SLC10A6: variants seen among roughly 807,000 people sequenced by gnomAD.
SLC10A6 encodes solute carrier family 10 member 6, also known as sodium-dependent organic anion transporter.
In SLC10A6, 27 loss-of-function variants were observed where a neutral mutation model predicts 30.0. The ratio of observed to expected loss-of-function variants is 0.90; its 90% CI spans 0.66 to 1.24. The LOEUF (loss-of-function observed/expected upper bound fraction) is 1.24. Among genes scored for constraint, SLC10A6 ranks in the 50% most tolerant of loss-of-function variants. SLC10A6 has a pLI of 0.00. For synonymous variants in SLC10A6, 166 were observed against 173.8 expected (o/e 0.95, Z 0.36); for missense variants, 439 against 457.0 (o/e 0.96, Z 0.36).
At chr4:86,838,575 G>C (rs1023751320) in intron 1 of SLC10A6, among the ~76,000 whole-genome samples, 1 of 152,096 alleles carries the variant, frequency 6.6e-6, no homozygotes, top group East Asian at 1.9e-4. Flanking sequence ...TTTATACTTA[G>C]TTCAAATGGT....
chr4:86,832,298 T>G (rs1746092970), intron 2 of SLC10A6, among the ~76,000 whole-genome samples: 1 of 152,152 alleles, frequency 6.6e-6, no homozygotes, highest in Non-Finnish European at 1.5e-5. Flanking sequence ...AGATTGACAC[T>G]GAGAGTCTTA....
At chr4:86,840,955 ATTT>A (rs1413754401) in intron 1 of SLC10A6, among the ~76,000 whole-genome samples, 1 of 152,218 alleles carries the variant, frequency 6.6e-6, no homozygotes, top group East Asian at 1.9e-4. Context: ...CTAGTAGGCA[ATTT>A]AAAAGAAAAA....
At chr4:86,845,740 A>T (rs577905287) in intron 1 of SLC10A6, among the ~76,000 whole-genome samples, 2 of 152,198 alleles carry the variant, frequency 1.3e-5, no homozygotes, top group Non-Finnish European at 2.9e-5. Flanking sequence ...GCAACACAGC[A>T]AGAGGAAGGG....
intron 1 of SLC10A6, among the ~76,000 whole-genome samples, chr4:86,842,846 CTTTCT>C (rs1746322523): frequency 1.1e-4 from 4 of 37,264 alleles, no homozygotes; most frequent in African/African-American, 4.3e-4. Flanking sequence ...TTCTTTCTTT[CTTTCT>C]TTCTTTCTTT....
At position 86,848,769 on chromosome 4, in the gene SLC10A6, G is replaced by C; in HGVS notation, c.347C>G (p.Thr116Ser). The C allele has an allele frequency of 6.2e-7, 1 of 1,604,534 alleles. No individual in the cohort carries two copies. The highest frequency in any genetic ancestry group is 8.5e-7 in the Non-Finnish European group (1 of 1,175,714). ...CPGGTISNIF[T>S]FWVDGDMDLS... ...ATCCATATCTCCATCAACCCAGAAGGTGAAAATGTTAGAGATGGTGCCCCC... is the reference window on the plus strand; with the variant it reads ...ATCCATATCTCCATCAACCCAGAAGCTGAAAATGTTAGAGATGGTGCCCCC... The change falls in exon 1 of 6, where the codon ACC (threonine) becomes AGC (serine). Residue 116 changes from threonine to serine, a missense_variant. Transcript: ENST00000273905.
At chr4:86,846,506 C>T (rs747726116) in intron 1 of SLC10A6, among the ~76,000 whole-genome samples, 10 of 152,190 alleles carry the variant, frequency 6.6e-5, no homozygotes, top group Middle Eastern at 3.4e-3. Flanking sequence ...GATCACCTGA[C>T]GGCAGGAGTT....
chr4:86,832,709 T>C (rs2869619), intron 2 of SLC10A6, among the ~76,000 whole-genome samples: 7,032 of 152,216 alleles, frequency 0.046, 230 homozygotes, highest in Middle Eastern at 0.075. Context: ...CAGAGATCTT[T>C]AGGAAAATGG....
chr4:86,825,505 G>A lies in SLC10A6; in HGVS notation c.834C>T (p.Phe278=). The change falls in exon 5 of 6, where the codon TTC becomes TTT. Residue 278 remains phenylalanine (F), a synonymous_variant. Transcript: ENST00000273905. ...QMCITMLQLS[F]TAEHLVQMLS... ...ACATCTGGACCAAGTGCTCAGCAGTGAAAGATAACTGGAGCATGGTGATGC... is the reference window on the plus strand; with the variant it reads ...ACATCTGGACCAAGTGCTCAGCAGTAAAAGATAACTGGAGCATGGTGATGC... 6.2e-7 allele frequency: 1 copy of A among 1,613,014 alleles called. No individual in the cohort carries two copies. The highest frequency in any genetic ancestry group is 8.5e-7 in the Non-Finnish European group (1 of 1,179,066).
chr4:86,849,058 G>C lies in SLC10A6; in HGVS notation c.58C>G (p.Leu20Val). The change falls in exon 1 of 6, where the codon CTG becomes GTG. Residue 20 changes from leucine to valine, a missense_variant. Coordinates refer to ENST00000273905, the MANE Select transcript of SLC10A6 (RefSeq NM_197965.3). ...CCATGCACCTCCAGTCCCACTGGCA[G>C]CTCCTCCTCTGAACTGTTGGCAGGG... is the stretch of plus-strand genomic sequence containing the variant. ...ACPANSSEEE[L>V]PVGLEVHGNL... is the part of the protein sequence containing the mutation. 2.5e-6 allele frequency: 4 copies of C among 1,614,142 alleles called. No individual in the cohort carries two copies. Among genetic ancestry groups the C allele is most frequent in the Non-Finnish European group, 3.4e-6 (4 of 1,180,016 alleles).
chr4:86,823,778 A>C lies in SLC10A6; in HGVS notation c.1044T>G (p.Asn348Lys), dbSNP rs1430113507. 3 of 1,614,168 alleles carry C rather than the reference A, an allele frequency of 1.9e-6. 1 individual carries two copies. Among genetic ancestry groups the C allele is most frequent in the East Asian group, 2.2e-5 (1 of 44,888 alleles). ...SRETNAFLEV[N>K]EEGAITPGPP... Reference sequence around the variant, plus strand: ...GCCCAGGAGTGATGGCACCTTCTTCATTCACCTCCAAGAAGGCATTGGTCT... The same window carrying C: ...GCCCAGGAGTGATGGCACCTTCTTCCTTCACCTCCAAGAAGGCATTGGTCT... Residue 348 changes from asparagine to lysine, a missense_variant, in exon 6 of 6, where the codon AAT becomes AAG. Asn to Lys is a moderately conservative substitution (Grantham distance 94). Coordinates refer to ENST00000273905, the MANE Select transcript of SLC10A6 (RefSeq NM_197965.3).
At chr4:86,824,754 C>G (rs1745950320) in intron 5 of SLC10A6, among the ~76,000 whole-genome samples, 2 of 152,012 alleles carry the variant, frequency 1.3e-5, no homozygotes, top group South Asian at 2.1e-4. Context: ...TCCCCAGTTT[C>G]TATTATTGCC....
chr4:86,841,014 T>C (rs1232384653), intron 1 of SLC10A6, among the ~76,000 whole-genome samples: 7 of 152,216 alleles, frequency 4.6e-5, no homozygotes, highest in Non-Finnish European at 7.3e-5. Flanking sequence ...ACAAAGAGGC[T>C]GTTTAGAAAG....
intron 1 of SLC10A6, among the ~76,000 whole-genome samples, chr4:86,843,215 G>A (rs993384797): frequency 1.3e-5 from 2 of 151,934 alleles, no homozygotes; most frequent in Admixed American, 6.6e-5. Flanking sequence ...ACAGGCAATC[G>A]GAAACTGTCA....
intron 3 of SLC10A6, among the ~76,000 whole-genome samples, chr4:86,830,862 C>G (rs1383564520): frequency 6.6e-6 from 1 of 152,136 alleles, no homozygotes; most frequent in African/African-American, 2.4e-5. Flanking sequence ...ATGAAAGCCA[C>G]ACATATTACA....
At chr4:86,825,023 A>C (rs948392764) in intron 5 of SLC10A6, among the ~76,000 whole-genome samples, 1 of 152,210 alleles carries the variant, frequency 6.6e-6, no homozygotes, top group African/African-American at 2.4e-5. Flanking sequence ...AAACATTGAA[A>C]TAACTTGGCA....
intron 4 of SLC10A6, among the ~76,000 whole-genome samples, chr4:86,827,429 T>G (rs7662996): frequency 0.026 from 3,975 of 152,196 alleles, 175 homozygotes; most frequent in African/African-American, 0.092. Flanking sequence ...TACCGGGCGC[T>G]TAGTACAACC....
rs183850964 is a variant in SLC10A6, at chr4:86,847,166, G to A, written c.377+1573C>T. 3.3e-3 allele frequency among the ~76,000 whole-genome samples: 508 copies of A among 152,262 alleles called. 4 individuals are homozygous for A. The highest frequency in any genetic ancestry group is 0.014 in the Middle Eastern group (4 of 294). On this transcript the variant is annotated intron_variant, in intron 1 of 5. Coordinates refer to ENST00000273905, the MANE Select transcript of SLC10A6 (RefSeq NM_197965.3). ...CTGAGTTCTGCCATACTGGTTTGTA[G>A]CATTTGGCAAGCTACTTAACCAATC...
rs1284741109 is a variant in SLC10A6 at position 86,833,368 on chromosome 4, A to G, written c.434T>C (p.Ile145Thr). The G allele has an allele frequency of 6.2e-7, 1 of 1,613,952 alleles. No homozygotes were observed. The highest frequency in any genetic ancestry group is 8.5e-7 in the Non-Finnish European group (1 of 1,179,982). Residue 145 changes from isoleucine (I) to threonine (T), a missense_variant, in exon 2 of 6, where the codon ATT (isoleucine) becomes ACT (threonine). Physicochemically the swap from Ile to Thr is moderately conservative, Grantham distance 89 (BLOSUM62 -1). Coordinates refer to ENST00000273905, the MANE Select transcript of SLC10A6 (RefSeq NM_197965.3). ...ACTCCAGGACCAGGTGTAGAGATAA[A>G]TGCAGAGTGGCATCATTCCCAGGGC... ...VAALGMMPLC[I>T]YLYTWSWSLQ...
At chr4:86,845,417 A>T (rs982947354) in intron 1 of SLC10A6, among the ~76,000 whole-genome samples, 4 of 152,214 alleles carry the variant, frequency 2.6e-5, no homozygotes, top group African/African-American at 7.2e-5. Context: ...AGACTGGCTT[A>T]GTCGTTTCTA....
Sources: allele counts gnomAD v4.1 joint callset (sites outside exome capture counted in the v4.1 genomes callset), GRCh38; gene constraint gnomAD v4.1.1; transcripts MANE v1.5; gene names NCBI Gene and HGNC (gene_info 2026-07-23, HGNC 2026-07-21).